The following AGO2 variants were observed in gnomAD, a reference collection of about 807,000 sequenced individuals.
AGO2 encodes the protein argonaute RISC catalytic component 2.
AGO2 carries 5 observed loss-of-function variants against 102.3 expected under a neutral mutation model. That is an observed-to-expected ratio of 0.05 (90% CI 0.03 to 0.10). AGO2 has a LOEUF of 0.10. Among genes scored for constraint, AGO2 ranks in the 10% least tolerant of loss-of-function variants. The pLI is 1.00. For missense variants in AGO2, 541 were observed against 1,183.7 expected, an observed-to-expected ratio of 0.46 and a Z score of 7.97; for synonymous variants, 449 against 473.1, an observed-to-expected ratio of 0.95 and a Z score of 0.66.
chr8:140,576,838 C>G (rs1025850620), intron 2 of AGO2, among the ~76,000 whole-genome samples: 2 of 152,154 alleles, frequency 1.3e-5, no homozygotes, highest in African/African-American at 4.8e-5. Context: ...GATGAGTGGA[C>G]AAACCCATGA....
At chr8:140,549,631 G>A (rs1418783257) in intron 11 of AGO2, among the ~76,000 whole-genome samples, 2 of 152,254 alleles carry the variant, frequency 1.3e-5, no homozygotes, top group African/African-American at 4.8e-5. Context: ...GCAGTGATGC[G>A]ATGCTGTCCC....
Position 140,572,834 on chromosome 8 carries a change from G to A in AGO2, c.314C>T (p.Pro105Leu), listed in dbSNP as rs2073403030. ...TACCTTGTCCCTCCCAATCGGAAGG[G>A]GCATGGCTGTGTATAGATTCTTCCT... Reference protein sequence around the residue: ...DGRKNLYTAMPLPIGRDKVEL... With the variant: ...DGRKNLYTAMLLPIGRDKVEL... The change falls in exon 3 of 19, where the codon CCC becomes CTC. Residue 105 changes from proline (P) to leucine (L), a missense_variant. Physicochemically the swap from Pro to Leu is moderately conservative, Grantham distance 98 (BLOSUM62 -3). This residue lies in a region of AGO2 where 147 missense variants were observed against 204.1 expected (regional missense o/e 0.72). Coordinates refer to ENST00000220592, the MANE Select transcript of AGO2 (RefSeq NM_012154.5). 1 of 1,613,802 alleles carries A rather than the reference G, an allele frequency of 6.2e-7. No individual in the cohort carries two copies. Among genetic ancestry groups the A allele is most frequent in the Non-Finnish European group, 8.5e-7 (1 of 1,179,942 alleles).
At chr8:140,641,695 T>A in the AGO2 span, among the ~76,000 whole-genome samples, 2 of 152,230 alleles carry the variant, frequency 1.3e-5, no homozygotes, top group African/African-American at 2.4e-5. Flanking sequence ...GCAATTCTCG[T>A]GCCTCAGCCC....
chr8:140,629,210 A>C (rs1261985164), intron 1 of AGO2, among the ~76,000 whole-genome samples: 1 of 152,220 alleles, frequency 6.6e-6, no homozygotes, highest in Non-Finnish European at 1.5e-5. Context: ...TGCACGAAAC[A>C]GTAGGGGCCA....
At chr8:140,542,982 C>T (rs1013310912) in intron 14 of AGO2, among the ~76,000 whole-genome samples, 1 of 152,108 alleles carries the variant, frequency 6.6e-6, no homozygotes, top group African/African-American at 2.4e-5. Flanking sequence ...CTATAAAATA[C>T]AAAATTTAGC....
intron 1 of AGO2, among the ~76,000 whole-genome samples, chr8:140,631,448 C>T (rs914733598): frequency 9.9e-5 from 15 of 151,578 alleles, no homozygotes; most frequent in African/African-American, 3.4e-4. Context: ...GCAGGAGAAT[C>T]GCTTGAACCC....
intron 1 of AGO2, among the ~76,000 whole-genome samples, chr8:140,613,117 G>A (rs554267110): frequency 6.7e-5 from 10 of 150,222 alleles, no homozygotes; most frequent in South Asian, 2.1e-4. Context: ...GGAGAATGGC[G>A]TGAACCCGGG....
intron 16 of AGO2, among the ~76,000 whole-genome samples, chr8:140,538,255 T>C (rs2072731866): frequency 1.3e-5 from 2 of 152,208 alleles, no homozygotes; most frequent in African/African-American, 4.8e-5. Flanking sequence ...AGTCTAACAC[T>C]CTGAAGTATT....
chr8:140,562,331 A>C (rs2073215272), intron 4 of AGO2, 122 bp downstream of exon 4: 1 of 1,209,178 alleles, frequency 8.3e-7, no homozygotes, highest in African/African-American at 1.5e-5. Context: ...CAGAAAACCC[A>C]CGTGACCACT....
intron 3 of AGO2, 23 bp downstream of exon 3, chr8:140,572,789 C>G: frequency 1.2e-6 from 2 of 1,606,182 alleles, no homozygotes; most frequent in Non-Finnish European, 1.7e-6. Context: ...GTTACTCCAC[C>G]AAGGGCATCC....
rs2132840836 is a variant in AGO2, at chr8:140,527,030, C to CTA, written c.*5013_*5014insTA. The CTA allele has an allele frequency of 1.3e-5, 2 of 152,076 alleles. No individual in the cohort carries two copies. Among genetic ancestry groups the CTA allele is most frequent in the African/African-American group, 4.8e-5 (2 of 41,462 alleles). The allele number at this position is 152,076 out of a possible 1,614,324, so 9.4% of individuals were successfully genotyped here. A position where few individuals can be genotyped will look rare whatever the true frequency, so the allele number is the denominator to read the frequency against. ...GTCCTAGTAGCAGGCGGAGCAGATG[C>CTA]CTCCCGTCTGGACTGTCCCAGGCTG... On this transcript the variant is annotated 3_prime_UTR_variant, in exon 19 of 19. Coordinates refer to ENST00000220592, the MANE Select transcript of AGO2 (RefSeq NM_012154.5). The surrounding 1 kb of genome is among the most constrained non-coding windows in gnomAD (Gnocchi z 6.0).
Position 140,557,558 on chromosome 8 carries a change from G to A in AGO2, c.879-322C>T, listed in dbSNP as rs187631791. ...AGGCCTGCGCGTCTTCCAGCAGACC[G>A]TGGTGACCCTGGAAGCCTTTTACGT... On this transcript the variant is annotated intron_variant, in intron 7 of 18. Transcript: ENST00000220592. The surrounding 1 kb of genome is among the most constrained non-coding windows in gnomAD (Gnocchi z 5.9). 1.8e-3 allele frequency among the ~76,000 whole-genome samples: 280 copies of A among 152,338 alleles called. No homozygotes were observed. Among genetic ancestry groups the A allele is most frequent in the African/African-American group, 6.3e-3 (261 of 41,578 alleles).
rs930308293 is a variant in AGO2 at position 140,524,433 on chromosome 8, G to A, written c.*7611C>T. On this transcript the variant is annotated 3_prime_UTR_variant, in exon 19 of 19. Transcript: ENST00000220592. ...ACTGGAACCAAGTGTTTTCCGCAATGAGACCGAGTGCGTCCCCCGCGGCTC... is the reference window on the plus strand; with the variant it reads ...ACTGGAACCAAGTGTTTTCCGCAATAAGACCGAGTGCGTCCCCCGCGGCTC... 2.6e-5 allele frequency: 4 copies of A among 152,202 alleles called. No individual in the cohort carries two copies. The highest frequency in any genetic ancestry group is 5.9e-5 in the Non-Finnish European group (4 of 68,070). The allele number at this position is 152,202 out of a possible 1,614,324, so 9.4% of individuals were successfully genotyped here. A position where few individuals can be genotyped will look rare whatever the true frequency, so the allele number is the denominator to read the frequency against.
In AGO2 at chr8:140,543,098, C is replaced by T. The variant is rs113198789; in HGVS notation, c.1839+1115G>A. ...GTTGCAGTGAGCTGAGATCGCACCA[C>T]TGCAATCCAGCCCGGGTGACAGTTA... On this transcript the variant is annotated intron_variant, in intron 14 of 18. Coordinates refer to ENST00000220592, the MANE Select transcript of AGO2 (RefSeq NM_012154.5). 9.4e-3 allele frequency among the ~76,000 whole-genome samples: 1,428 copies of T among 152,214 alleles called. 27 individuals carry two copies. Among genetic ancestry groups the T allele is most frequent in the African/African-American group, 0.032 (1,349 of 41,520 alleles).
chr8:140,535,576 C>T lies in AGO2; in HGVS notation c.2170-7G>A, dbSNP rs1031029810. On this transcript the variant is annotated splice_polypyrimidine_tract_variant and splice_region_variant and intron_variant, in intron 16 of 18. Transcript: ENST00000220592. ...TGTTTCCACTTTTCCCAACCTTCGG[C>T]AACACAGGCATCTCGTTAGACACGG... The T allele has an allele frequency of 6.2e-7, 1 of 1,613,974 alleles. No individual in the cohort carries two copies. Among genetic ancestry groups the T allele is most frequent in the African/African-American group, 1.3e-5 (1 of 74,946 alleles).
intron 18 of AGO2, 65 bp downstream of exon 18, chr8:140,532,351 G>T: frequency 1.3e-6 from 2 of 1,538,140 alleles, no homozygotes; most frequent in Non-Finnish European, 1.8e-6. Flanking sequence ...TTCCAGAAAA[G>T]CAGCTGCCAA....
At chr8:140,599,256 C>T (rs557093533) in intron 1 of AGO2, among the ~76,000 whole-genome samples, 6 of 152,302 alleles carry the variant, frequency 3.9e-5, no homozygotes, top group Admixed American at 6.5e-5. Flanking sequence ...TATGTGGTGG[C>T]GTCGCTGTGG....
chr8:140,564,666 G>A (rs1428603061), intron 3 of AGO2, among the ~76,000 whole-genome samples: 1 of 152,232 alleles, frequency 6.6e-6, no homozygotes, highest in Non-Finnish European at 1.5e-5. Flanking sequence ...TATAGGGCCA[G>A]GCACAGTGGC....
chr8:140,616,290 C>T (rs971353462), intron 1 of AGO2, among the ~76,000 whole-genome samples: 5 of 152,210 alleles, frequency 3.3e-5, no homozygotes, highest in East Asian at 1.9e-4. Flanking sequence ...ATGACAGCCC[C>T]GCCACCCACT....
Sources: gnomAD v4.1 joint callset for allele counts (sites outside exome capture counted in the v4.1 genomes callset) on GRCh38, gnomAD v4.1.1 for gene constraint, gnomAD v4.1.1 regional missense constraint, Gnocchi (gnomAD v3.1) non-coding constraint, MANE v1.5 for transcripts, NCBI Gene and HGNC (gene_info 2026-07-23, HGNC 2026-07-21) for gene names.